Variants in BICC1 observed in about 807,000 individuals in gnomAD.
BICC1 encodes the protein protein bicaudal C homolog 1.
A neutral mutation model predicts 111.0 loss-of-function variants in BICC1; 43 were observed. The observed-to-expected ratio is 0.39, with a 90% CI of 0.30 to 0.50. BICC1 has a LOEUF of 0.50. Ranked by LOEUF, BICC1 falls within the 20% of genes least tolerant of loss-of-function variation. BICC1 has a pLI of 0.88. For synonymous variants in BICC1, 467 were observed against 434.4 expected, an observed-to-expected ratio of 1.07 and a Z score of -0.93; for missense variants, 1,091 against 1,203.2, an observed-to-expected ratio of 0.91 and a Z score of 1.38.
chr10:58,744,190 G>A (rs1461113275), intron 3 of BICC1, among the ~76,000 whole-genome samples: 1 of 152,032 alleles, frequency 6.6e-6, no homozygotes, highest in Non-Finnish European at 1.5e-5. Context: ...TTGTTCCCTT[G>A]AAACAAGTAT....
chr10:58,739,119 A>T (rs1266857847), intron 3 of BICC1, among the ~76,000 whole-genome samples: 1 of 152,166 alleles, frequency 6.6e-6, no homozygotes, highest in Non-Finnish European at 1.5e-5. Flanking sequence ...TTCCAACACT[A>T]TGTTGAATGG....
At chr10:58,558,682 G>A (rs1284202093) in intron 1 of BICC1, among the ~76,000 whole-genome samples, 2 of 152,044 alleles carry the variant, frequency 1.3e-5, no homozygotes, top group Non-Finnish European at 2.9e-5. Flanking sequence ...GTTCACAGGT[G>A]CTGCTGTAAC....
At position 58,822,742 on chromosome 10, in the gene BICC1, T is replaced by G. The variant is rs1474602447; in HGVS notation, c.2794+2274T>G. On this transcript the variant is annotated intron_variant, in intron 20 of 20. Coordinates refer to ENST00000373886, the MANE Select transcript of BICC1 (RefSeq NM_001080512.3). ...TGAGAAAATTCTTCATCAAAAAGCTTCTTTCTCCAGTTCAACTTATCTCAT... is the reference window on the plus strand; with the variant it reads ...TGAGAAAATTCTTCATCAAAAAGCTGCTTTCTCCAGTTCAACTTATCTCAT... 3.9e-5 allele frequency among the ~76,000 whole-genome samples: 6 copies of G among 152,158 alleles called. No homozygotes were observed. The South Asian group carries it at 6.2e-4, about 16-fold the overall frequency.
intron 1 of BICC1, among the ~76,000 whole-genome samples, chr10:58,518,193 A>G (rs1021694337): frequency 2.6e-5 from 4 of 152,096 alleles, no homozygotes; most frequent in Non-Finnish European, 5.9e-5. Flanking sequence ...TGAGCCATTC[A>G]TTTCTAGTAT....
intron 2 of BICC1, among the ~76,000 whole-genome samples, chr10:58,664,839 T>C (rs945426967): frequency 6.6e-6 from 1 of 151,854 alleles, no homozygotes; most frequent in African/African-American, 2.4e-5. Context: ...TATAGGGGAG[T>C]GTGTCAGTAG....
At chr10:58,564,232 G>A (rs1016691245) in intron 1 of BICC1, among the ~76,000 whole-genome samples, 3 of 152,044 alleles carry the variant, frequency 2.0e-5, no homozygotes, top group Non-Finnish European at 4.4e-5. Context: ...AGAATGCTTT[G>A]CTCTCATTTA....
intron 1 of BICC1, among the ~76,000 whole-genome samples, chr10:58,525,836 T>C (rs1386546379): frequency 6.6e-6 from 1 of 152,074 alleles, no homozygotes; most frequent in Non-Finnish European, 1.5e-5. Flanking sequence ...GTTGCTGGTA[T>C]AGTATTTACT....
intron 14 of BICC1, among the ~76,000 whole-genome samples, chr10:58,802,460 A>C (rs1175835477): frequency 2.0e-5 from 3 of 152,216 alleles, no homozygotes; most frequent in Non-Finnish European, 2.9e-5. Flanking sequence ...CTTGTGGTGC[A>C]TGCATTCTGT....
intron 2 of BICC1, among the ~76,000 whole-genome samples, chr10:58,622,603 TC>T (rs1411049100): frequency 2.6e-5 from 4 of 152,208 alleles, no homozygotes; most frequent in African/African-American, 7.2e-5. Flanking sequence ...CTCATTTGTT[TC>T]TTTAGTTCAA....
intron 3 of BICC1, among the ~76,000 whole-genome samples, chr10:58,732,771 G>C (rs1482525781): frequency 1.3e-5 from 2 of 151,984 alleles, no homozygotes; most frequent in Non-Finnish European, 2.9e-5. Context: ...AACAGAGTGA[G>C]ACCTTGCCTC....
intron 3 of BICC1, among the ~76,000 whole-genome samples, chr10:58,708,015 T>TTTTTTGTATTTTTAGTAGAGACAG (rs56958435): frequency 6.9e-6 from 1 of 145,350 alleles, no homozygotes; most frequent in Non-Finnish European, 1.5e-5. Context: ...TTTTTTTTTT[T>TTTTTTGTATTTTTAGTAGAGACAG]GTATTTTTAG....
rs551699629 is a variant in BICC1 at position 58,799,860 on chromosome 10, A to G, written c.1726-334A>G. 2.1e-4 allele frequency among the ~76,000 whole-genome samples: 32 copies of G among 152,242 alleles called. No homozygotes were observed. The East Asian group carries it at 5.4e-3, about 26-fold the overall frequency. ...TCTTGTTTAGTTCCATATGAGTTTTAGAATAGTTTTTTCTATTTCTGGGAA... is the reference window on the plus strand; with the variant it reads ...TCTTGTTTAGTTCCATATGAGTTTTGGAATAGTTTTTTCTATTTCTGGGAA... On this transcript the variant is annotated intron_variant, in intron 12 of 20. Coordinates refer to ENST00000373886, the MANE Select transcript of BICC1 (RefSeq NM_001080512.3).
Position 58,512,898 on chromosome 10 carries a change from G to A in BICC1, c.-246G>A, listed in dbSNP as rs1440254802. On this transcript the variant is annotated 5_prime_UTR_variant, in exon 1 of 21. Coordinates refer to ENST00000373886, the MANE Select transcript of BICC1 (RefSeq NM_001080512.3). ...TTCCGCGCGGGCGTTGCTGGCGGGG[G>A]GCGGCGCAGCCACTGGACCCGGACC... 6.8e-6 allele frequency among the ~76,000 whole-genome samples: 1 copy of A among 147,452 alleles called. No individual in the cohort carries two copies. The highest frequency in any genetic ancestry group is 2.0e-4 in the East Asian group (1 of 5,126).
intron 1 of BICC1, among the ~76,000 whole-genome samples, chr10:58,527,482 C>G (rs1478814642): frequency 2.0e-5 from 3 of 152,110 alleles, no homozygotes; most frequent in African/African-American, 7.2e-5. Flanking sequence ...TGTTTTTAGT[C>G]GTGAAGTCCT....
chr10:58,793,420 A>T (rs1843241665), intron 8 of BICC1, 64 bp from the exon 9 acceptor site: 2 of 1,432,688 alleles, frequency 1.4e-6, no homozygotes, highest in Non-Finnish European at 1.9e-6. Flanking sequence ...AGGCATGTTA[A>T]ATTATCAGGT....
chr10:58,642,145 T>G (rs1838142217), intron 2 of BICC1, among the ~76,000 whole-genome samples: 2 of 152,142 alleles, frequency 1.3e-5, no homozygotes, highest in Admixed American at 1.3e-4. Flanking sequence ...TTAGAATTAT[T>G]AATTAATTGG....
intron 1 of BICC1, among the ~76,000 whole-genome samples, chr10:58,616,840 C>T (rs1001833050): frequency 2.6e-5 from 4 of 152,220 alleles, no homozygotes; most frequent in Non-Finnish European, 4.4e-5. Flanking sequence ...TGCATAGCCC[C>T]ACCATATGTC....
intron 1 of BICC1, among the ~76,000 whole-genome samples, chr10:58,557,188 G>A (rs575179795): frequency 1.6e-3 from 249 of 152,072 alleles, no homozygotes; most frequent in Admixed American, 5.2e-3. Flanking sequence ...CTTTTAAGAT[G>A]TTCTACTCTT....
intron 3 of BICC1, chr10:58,716,272 G>A: frequency 2.0e-6 from 3 of 1,503,694 alleles, no homozygotes; most frequent in Non-Finnish European, 2.7e-6. Context: ...GTTAGTTCAA[G>A]TCCTGACTCA....
Sources: gnomAD v4.1 joint callset for allele counts (sites outside exome capture counted in the v4.1 genomes callset) on GRCh38, gnomAD v4.1.1 for gene constraint, MANE v1.5 for transcripts, NCBI Gene and HGNC (gene_info 2026-07-23, HGNC 2026-07-21) for gene names.